The following CDH13 variants were observed in gnomAD, a reference collection of about 807,000 sequenced individuals.
The protein encoded by CDH13 is cadherin-13.
CDH13 carries 24 observed loss-of-function variants against 63.8 expected under a neutral mutation model. The ratio of observed to expected loss-of-function variants is 0.38; its 90% CI spans 0.27 to 0.53. The LOEUF (loss-of-function observed/expected upper bound fraction) is 0.53. CDH13 is among the 20% of genes least tolerant of loss of function. The probability of loss-of-function intolerance (pLI) is 0.85; values close to 1 mark genes in which losing one functional copy is unlikely to be tolerated. For missense variants in CDH13, 1,049 were observed against 903.1 expected, an observed-to-expected ratio of 1.16 and a Z score of -2.07; for synonymous variants, 503 against 355.3, an observed-to-expected ratio of 1.42 and a Z score of -4.67.
chr16:83,396,054 C>G (rs927208362), intron 6 of CDH13, among the ~76,000 whole-genome samples: 4 of 152,168 alleles, frequency 2.6e-5, no homozygotes, highest in African/African-American at 9.7e-5. Flanking sequence ...ATTTGGTTTT[C>G]TGTTCCTGTG....
At chr16:82,876,153 A>G (rs2040495105) in intron 2 of CDH13, among the ~76,000 whole-genome samples, 1 of 152,246 alleles carries the variant, frequency 6.6e-6, no homozygotes, top group South Asian at 2.1e-4. Flanking sequence ...AAATAGTGGG[A>G]GTTACAATTC....
intron 3 of CDH13, among the ~76,000 whole-genome samples, chr16:83,074,252 T>A (rs1172171357): frequency 6.6e-6 from 1 of 152,234 alleles, no homozygotes; most frequent in Non-Finnish European, 1.5e-5. Context: ...TTTCTCTTTC[T>A]GTGTCTGGCA....
intron 7 of CDH13, among the ~76,000 whole-genome samples, chr16:83,565,737 T>C (rs1231722686): frequency 6.6e-6 from 1 of 152,030 alleles, no homozygotes. Flanking sequence ...TCTTTTGTGA[T>C]AACTGATTTA....
At chr16:82,757,854 T>G (rs1317338144) in intron 1 of CDH13, among the ~76,000 whole-genome samples, 2 of 152,080 alleles carry the variant, frequency 1.3e-5, no homozygotes, top group African/African-American at 4.8e-5. Flanking sequence ...TTTCACCACG[T>G]TACACAAGAT....
At chr16:83,749,214 C>A (rs1284086195) in intron 11 of CDH13, among the ~76,000 whole-genome samples, 7 of 152,138 alleles carry the variant, frequency 4.6e-5, no homozygotes, top group Admixed American at 4.6e-4. Flanking sequence ...TTTATAGGTG[C>A]CCATTGTTAT....
intron 1 of CDH13, among the ~76,000 whole-genome samples, chr16:82,707,279 G>T (rs1288399107): frequency 1.3e-5 from 2 of 152,180 alleles, no homozygotes; most frequent in Non-Finnish European, 2.9e-5. Flanking sequence ...GACTCATTTT[G>T]TTATGGAGAT....
chr16:83,727,031 T>G (rs952297424), intron 10 of CDH13, among the ~76,000 whole-genome samples: 2 of 152,182 alleles, frequency 1.3e-5, no homozygotes, highest in Non-Finnish European at 2.9e-5. Flanking sequence ...TGAGATATAA[T>G]TCACATACCG....
At chr16:83,748,015 G>T in intron 10 of CDH13, 93 bp from the exon 11 acceptor site, 1 of 1,358,252 alleles carries the variant, frequency 7.4e-7, no homozygotes, top group Non-Finnish European at 1.1e-6. Flanking sequence ...CTAGGATCCA[G>T]CACCTAGCCT....
chr16:83,469,082 A>G (rs1453143549), intron 6 of CDH13, among the ~76,000 whole-genome samples: 1 of 152,026 alleles, frequency 6.6e-6, no homozygotes, highest in Admixed American at 6.6e-5. Flanking sequence ...AATACTTTTT[A>G]GTTTTGCTGG....
chr16:83,149,062 G>A (rs1032488943), intron 4 of CDH13, among the ~76,000 whole-genome samples: 2 of 152,084 alleles, frequency 1.3e-5, no homozygotes, highest in African/African-American at 4.8e-5. Flanking sequence ...AATCATAGTG[G>A]AACATTTAAG....
chr16:83,295,609 T>TAAAACCACAATGAGATG (rs1555526440), intron 5 of CDH13, among the ~76,000 whole-genome samples: 1 of 152,012 alleles, frequency 6.6e-6, no homozygotes, highest in Non-Finnish European at 1.5e-5. Flanking sequence ...AAATGCAAAT[T>TAAAACCACAATGAGATG]AAAACCACAA....
chr16:83,362,417 C>A (rs74034195), intron 6 of CDH13, among the ~76,000 whole-genome samples: 2 of 152,212 alleles, frequency 1.3e-5, no homozygotes, highest in Non-Finnish European at 2.9e-5. Flanking sequence ...CATTTAGACA[C>A]CTTTTGTCTT....
At chr16:83,344,223 AC>A (rs769984402) in intron 5 of CDH13, among the ~76,000 whole-genome samples, 1 of 152,200 alleles carries the variant, frequency 6.6e-6, no homozygotes, top group Non-Finnish European at 1.5e-5. Context: ...TCCAAGACAA[AC>A]AAAAAAGTTG....
intron 2 of CDH13, among the ~76,000 whole-genome samples, chr16:82,925,149 C>T (rs201918806): frequency 5.3e-5 from 8 of 152,140 alleles, no homozygotes; most frequent in African/African-American, 1.9e-4. Flanking sequence ...CCAACCAGAG[C>T]CCCTGGCCCT....
chr16:83,693,678 T>G (rs73250489), intron 10 of CDH13, among the ~76,000 whole-genome samples: 10,390 of 152,148 alleles, frequency 0.068, 570 homozygotes, highest in African/African-American at 0.15. Context: ...AATGTAGGAG[T>G]TGAACAACTG....
At chr16:83,014,764 A>ATG (rs1567745636) in intron 2 of CDH13, among the ~76,000 whole-genome samples, 2 of 51,154 alleles carry the variant, frequency 3.9e-5, no homozygotes, top group African/African-American at 6.5e-5. Flanking sequence ...ATATATATAT[A>ATG]TATATATATA....
intron 7 of CDH13, among the ~76,000 whole-genome samples, chr16:83,494,212 T>A (rs1184870031): frequency 6.6e-6 from 1 of 152,234 alleles, no homozygotes; most frequent in African/African-American, 2.4e-5. Flanking sequence ...CTTCTCTTTT[T>A]TGTCATTTTA....
At chr16:83,675,739 C>A (rs1914900054) in intron 9 of CDH13, among the ~76,000 whole-genome samples, 1 of 152,098 alleles carries the variant, frequency 6.6e-6, no homozygotes, top group Non-Finnish European at 1.5e-5. Flanking sequence ...GCATCAGGGC[C>A]AGGACTTGAC....
rs775579016 is a variant in CDH13 at position 83,670,982 on chromosome 16, C to T, written c.1284+10C>T. 5 of 1,571,950 alleles carry T rather than the reference C, an allele frequency of 3.2e-6. No individual in the cohort carries two copies. In the African/African-American group the frequency reaches 4.1e-5, roughly 13 times the overall value. On this transcript the variant is annotated intron_variant, in intron 9 of 13. Coordinates refer to ENST00000567109, the MANE Select transcript of CDH13 (RefSeq NM_001257.5). ...GCTTTCTGTTGTCAAAGTAAGGGTG[C>T]TTCCAATTGCCTCTTTCTCCTCATG...
Sources: gnomAD v4.1 joint callset for allele counts (sites outside exome capture counted in the v4.1 genomes callset) on GRCh38, gnomAD v4.1.1 for gene constraint, MANE v1.5 for transcripts, NCBI Gene and HGNC (gene_info 2026-07-23, HGNC 2026-07-21) for gene names.